The following CCM2 variants were observed in gnomAD, a reference collection of about 807,000 sequenced individuals.
CCM2 encodes the protein CCM2 scaffold protein, also known as cerebral cavernous malformations 2 protein.
Under a neutral mutation model 44.9 loss-of-function variants are expected in CCM2, and 25 were observed. That is an observed-to-expected ratio of 0.56 (90% CI 0.41 to 0.78). The LOEUF is 0.78. Among genes scored for constraint, CCM2 ranks in the 30% least tolerant of loss-of-function variants. The probability of loss-of-function intolerance (pLI) is 0.00; values close to 1 mark genes in which losing one functional copy is unlikely to be tolerated. For missense variants in CCM2, 481 were observed against 580.6 expected, an observed-to-expected ratio of 0.83 and a Z score of 1.76; for synonymous variants, 219 against 241.1, an observed-to-expected ratio of 0.91 and a Z score of 0.85.
intron 6 of CCM2, chr7:45,070,402 C>A: frequency 2.2e-6 from 1 of 455,132 alleles, no homozygotes; most frequent in Non-Finnish European, 4.4e-6. Flanking sequence ...CATGGCCAGA[C>A]CCATGGGAAG....
intron 2 of CCM2, among the ~76,000 whole-genome samples, chr7:45,051,044 C>T (rs1369640178): frequency 6.6e-6 from 1 of 152,190 alleles, no homozygotes; most frequent in African/African-American, 2.4e-5. Context: ...CATCCACCCT[C>T]AGAGCAGTGG....
intron 1 of CCM2, chr7:45,027,906 G>A: frequency 8.6e-7 from 1 of 1,156,912 alleles, no homozygotes; most frequent in East Asian, 2.4e-5. Flanking sequence ...GTGAGCTAGG[G>A]TAGCCCAGTC....
chr7:45,019,058 CCT>C (rs1491487591), intron 1 of CCM2, among the ~76,000 whole-genome samples: 1 of 132,752 alleles, frequency 7.5e-6, no homozygotes. Context: ...CTGCGCCTGG[CCT>C]TTTTTTTTTT....
chr7:45,005,051 C>T (rs570626020), intron 1 of CCM2, among the ~76,000 whole-genome samples: 36 of 150,414 alleles, frequency 2.4e-4, no homozygotes, highest in Admixed American at 1.3e-3. Flanking sequence ...CTATAACTGT[C>T]ACAAGCCATA....
chr7:45,064,416 G>T (rs371956684), intron 3 of CCM2, 47 bp from the exon 4 acceptor site: 3 of 1,593,978 alleles, frequency 1.9e-6, no homozygotes, highest in South Asian at 1.1e-5. Context: ...GCCCCATGCC[G>T]GTTGACAGCT....
intron 1 of CCM2, among the ~76,000 whole-genome samples, chr7:45,030,480 A>G (rs553460213): frequency 6.6e-6 from 1 of 152,194 alleles, no homozygotes; most frequent in Non-Finnish European, 1.5e-5. Context: ...TCTGTTTCCT[A>G]GGCTGGGTGC....
At chr7:45,062,618 T>A (rs576537644) in intron 2 of CCM2, among the ~76,000 whole-genome samples, 6 of 152,252 alleles carry the variant, frequency 3.9e-5, no homozygotes, top group African/African-American at 1.2e-4. Context: ...GCAGATTGCT[T>A]AAGTCCAAGA....
At chr7:45,016,359 C>A (rs1281172450) in intron 1 of CCM2, among the ~76,000 whole-genome samples, 2 of 152,148 alleles carry the variant, frequency 1.3e-5, no homozygotes, top group Non-Finnish European at 2.9e-5. Context: ...GAGACAGTTT[C>A]ACTCTTGTTG....
At chr7:45,065,680 A>C (rs571947080) in intron 4 of CCM2, among the ~76,000 whole-genome samples, 13 of 152,242 alleles carry the variant, frequency 8.5e-5, no homozygotes, top group African/African-American at 3.1e-4. Context: ...CATAAACTAC[A>C]CAGGGAACAC....
At chr7:45,021,486 A>T (rs750739717) in intron 1 of CCM2, among the ~76,000 whole-genome samples, 3 of 150,554 alleles carry the variant, frequency 2.0e-5, no homozygotes, top group Non-Finnish European at 4.4e-5. Context: ...AATTGCTTGA[A>T]CCCGGAAGGT....
chr7:45,065,968 G>C (rs186903109), intron 4 of CCM2, among the ~76,000 whole-genome samples: 1 of 152,134 alleles, frequency 6.6e-6, no homozygotes, highest in Non-Finnish European at 1.5e-5. Context: ...TTTCTGACTC[G>C]CTTCTTGCAG....
intron 1 of CCM2, among the ~76,000 whole-genome samples, chr7:45,037,534 T>C (rs1007054547): frequency 1.3e-5 from 2 of 150,954 alleles, no homozygotes; most frequent in Non-Finnish European, 3.0e-5. Context: ...TCTCCTGCCT[T>C]AGCCTCCCGA....
chr7:45,064,832 G>A (rs1261663083), intron 4 of CCM2, among the ~76,000 whole-genome samples, 186 bp downstream of exon 4: 1 of 152,176 alleles, frequency 6.6e-6, no homozygotes, highest in Non-Finnish European at 1.5e-5. Context: ...GACACTGGGG[G>A]TGACTGTCAC....
At chr7:45,036,862 A>T (rs761127365) in intron 1 of CCM2, among the ~76,000 whole-genome samples, 49 of 152,052 alleles carry the variant, frequency 3.2e-4, no homozygotes, top group Middle Eastern at 6.8e-3. Context: ...AGCTTGGCCT[A>T]CTGTGGGGGT....
Position 45,069,969 on chromosome 7 carries a change from G to A in CCM2, c.745+8G>A, listed in dbSNP as rs758692244. ...ACCTGTCCCTGCACAGCGGTATGTT[G>A]AGTGAGAGTGGGCAGCGGGTGGGAG... On this transcript the variant is annotated splice_region_variant and intron_variant, in intron 6 of 9. Transcript: ENST00000258781. The A allele has an allele frequency of 1.1e-5, 18 of 1,613,580 alleles. No homozygotes were observed. Among genetic ancestry groups the A allele is most frequent in the Non-Finnish European group, 1.5e-5 (18 of 1,179,996 alleles).
In CCM2 at chr7:45,076,028, G is replaced by A. The variant is rs768545818; in HGVS notation, c.1306G>A (p.Gly436Ser). ...SDISSDIEAL[G>S]CSMDQDSA Reference sequence around the variant, plus strand: ...CATCAGCAGCGACATTGAGGCGCTGGGCTGCAGCATGGACCAGGACTCAGC... The same window carrying A: ...CATCAGCAGCGACATTGAGGCGCTGAGCTGCAGCATGGACCAGGACTCAGC... The change falls in exon 10 of 10, where the codon GGC becomes AGC. Residue 436 changes from glycine to serine, a missense_variant. Transcript: ENST00000258781. 5.0e-6 allele frequency: 8 copies of A among 1,613,044 alleles called. No individual in the cohort carries two copies. The highest frequency in any genetic ancestry group is 6.8e-6 in the Non-Finnish European group (8 of 1,180,020).
chr7:45,032,213 G>T (rs2128724788), intron 1 of CCM2, among the ~76,000 whole-genome samples: 1 of 152,298 alleles, frequency 6.6e-6, no homozygotes, highest in East Asian at 1.9e-4. Context: ...ATTAAAAAAA[G>T]AAACTTAGGG....
chr7:45,074,662 G>A (rs1311087075), intron 9 of CCM2, among the ~76,000 whole-genome samples: 1 of 152,212 alleles, frequency 6.6e-6, no homozygotes, highest in Admixed American at 6.5e-5. Context: ...CTCAAGCTGA[G>A]CTGGGTGGGC....
intron 1 of CCM2, among the ~76,000 whole-genome samples, chr7:45,036,620 T>C (rs2128727946): frequency 6.6e-6 from 1 of 151,946 alleles, no homozygotes; most frequent in East Asian, 1.9e-4. Context: ...TTTTCAGGAG[T>C]GGTTACTGAA....
Sources: gnomAD v4.1 joint callset for allele counts (sites outside exome capture counted in the v4.1 genomes callset) on GRCh38, gnomAD v4.1.1 for gene constraint, MANE v1.5 for transcripts, NCBI Gene and HGNC (gene_info 2026-07-23, HGNC 2026-07-21) for gene names.